The following ELAPOR2 variants were observed in gnomAD, a reference collection of about 807,000 sequenced individuals.
ELAPOR2 encodes endosome-lysosome associated apoptosis and autophagy regulator family member 2.
In ELAPOR2, 89 loss-of-function variants were observed where a neutral mutation model predicts 120.7. That is an observed-to-expected ratio of 0.74 (90% CI 0.62 to 0.88). The LOEUF is 0.88. Among genes scored for constraint, ELAPOR2 ranks in the 40% least tolerant of loss-of-function variants. The pLI is 0.00. For missense variants in ELAPOR2, 1,134 were observed against 1,251.6 expected, an observed-to-expected ratio of 0.91 and a Z score of 1.42; for synonymous variants, 444 against 444.9, an observed-to-expected ratio of 1.00 and a Z score of 0.03.
In ELAPOR2 at chr7:86,907,753, T is replaced by C; in HGVS notation, c.2475A>G (p.Thr825=). 6.4e-7 allele frequency: 1 copy of C among 1,567,796 alleles called. No individual in the cohort carries two copies. The highest frequency in any genetic ancestry group is 8.6e-7 in the Non-Finnish European group (1 of 1,164,430). The change falls in exon 18 of 22, where the codon ACA becomes ACG. Residue 825 remains threonine (T), a synonymous_variant. Coordinates refer to ENST00000450689, the MANE Select transcript of ELAPOR2 (RefSeq NM_001142749.3). ...HFFYKSSTAT[T]SCINGRSTAV... ...CAGTTGATCGGCCATTAATACAAGATGTTGTTGCTGTAGAAGACCTATTGT... is the reference window on the plus strand; with the variant it reads ...CAGTTGATCGGCCATTAATACAAGACGTTGTTGCTGTAGAAGACCTATTGT...
intron 1 of ELAPOR2, among the ~76,000 whole-genome samples, chr7:87,014,344 G>A (rs961099725): frequency 6.6e-6 from 1 of 151,896 alleles, no homozygotes; most frequent in Non-Finnish European, 1.5e-5. Context: ...CAGTCTTCAT[G>A]GCAACTTCAC....
At position 86,942,811 on chromosome 7, in the gene ELAPOR2, A is replaced by G. The variant is rs141432796; in HGVS notation, c.655-707T>C. Among the ~76,000 whole-genome samples the G allele has an allele frequency of 3.4e-3, 516 of 152,124 alleles. 1 individual carries two copies. Among genetic ancestry groups the G allele is most frequent in the Middle Eastern group, 0.01 (3 of 292 alleles). ...ATCAAAAAGTTAGGCCACCTTTCCAATATTGCAAAACAGCAACAGAGTAGA... is the reference window on the plus strand; with the variant it reads ...ATCAAAAAGTTAGGCCACCTTTCCAGTATTGCAAAACAGCAACAGAGTAGA... On this transcript the variant is annotated intron_variant, in intron 4 of 21. Coordinates refer to ENST00000450689, the MANE Select transcript of ELAPOR2 (RefSeq NM_001142749.3).
intron 1 of ELAPOR2, among the ~76,000 whole-genome samples, chr7:87,032,863 G>T (rs1794466050): frequency 6.6e-6 from 1 of 152,184 alleles, no homozygotes; most frequent in Admixed American, 6.5e-5. Flanking sequence ...TACACACCTT[G>T]TGTGTGAGTA....
intron 1 of ELAPOR2, among the ~76,000 whole-genome samples, chr7:86,982,179 C>T (rs1291518056): frequency 1.3e-5 from 2 of 152,240 alleles, no homozygotes; most frequent in Non-Finnish European, 2.9e-5. Context: ...GGGCGGAGCC[C>T]AACGCAGCTC....
chr7:87,010,331 C>A (rs928968345), intron 1 of ELAPOR2, among the ~76,000 whole-genome samples: 1 of 152,120 alleles, frequency 6.6e-6, no homozygotes, highest in African/African-American at 2.4e-5. Flanking sequence ...AAATCTCCAA[C>A]GTAGGAAGTG....
At chr7:86,959,261 T>C (rs377343584) in intron 2 of ELAPOR2, among the ~76,000 whole-genome samples, 1 of 152,218 alleles carries the variant, frequency 6.6e-6, no homozygotes, top group East Asian at 1.9e-4. Context: ...TCATGTCATC[T>C]GCAAACGGAA....
intron 1 of ELAPOR2, among the ~76,000 whole-genome samples, chr7:86,984,283 A>G (rs1263972499): frequency 6.6e-6 from 1 of 152,244 alleles, no homozygotes; most frequent in Non-Finnish European, 1.5e-5. Flanking sequence ...TCAATGAGAC[A>G]GAAGGTTAAC....
At chr7:87,002,055 T>G (rs983715477) in intron 1 of ELAPOR2, among the ~76,000 whole-genome samples, 1 of 152,148 alleles carries the variant, frequency 6.6e-6, no homozygotes, top group African/African-American at 2.4e-5. Context: ...CACAGTACTT[T>G]ACATTTTTCA....
chr7:86,881,808 T>A (rs1353444683), intron 21 of ELAPOR2, among the ~76,000 whole-genome samples: 2 of 152,184 alleles, frequency 1.3e-5, no homozygotes, highest in Non-Finnish European at 2.9e-5. Context: ...AAGAGAACTA[T>A]GACTATTTTT....
intron 1 of ELAPOR2, among the ~76,000 whole-genome samples, chr7:87,001,559 G>A (rs1364584362): frequency 3.9e-5 from 6 of 152,154 alleles, no homozygotes; most frequent in African/African-American, 1.4e-4. Context: ...CCAGGGTGAG[G>A]TGGAGCAAAG....
rs1199960438 is a variant in ELAPOR2, at chr7:86,909,887, T to C, written c.2284A>G (p.Ile762Val). Residue 762 changes from isoleucine (I) to valine (V), a missense_variant, in exon 16 of 22, where the codon ATT (isoleucine) becomes GTT (valine). Around this residue, in one of 3 missense-constraint regions of ELAPOR2, gnomAD observed 831 missense variants for 867.6 expected, o/e 0.96. Coordinates refer to ENST00000450689, the MANE Select transcript of ELAPOR2 (RefSeq NM_001142749.3). The part of the protein sequence containing the change: ...LVGAFVCQST[I>V]IPSESKGFRA... ...AAACCCTTACTTTCAGAAGGAATAA[T>C]TGTTGACTGGCATACAAATGCCCCT... The C allele has an allele frequency of 1.9e-6, 3 of 1,613,534 alleles. No homozygotes were observed. The highest frequency in any genetic ancestry group is 2.5e-6 in the Non-Finnish European group (3 of 1,179,620).
chr7:87,041,326 T>A (rs1256543854), intron 1 of ELAPOR2, among the ~76,000 whole-genome samples: 4 of 151,512 alleles, frequency 2.6e-5, no homozygotes, highest in East Asian at 1.9e-4. Context: ...TTCACCAAAG[T>A]TGAAATGAAG....
chr7:86,892,838 T>C (rs1584312754), intron 20 of ELAPOR2, 84 bp downstream of exon 20: 1 of 1,222,770 alleles, frequency 8.2e-7, no homozygotes, highest in East Asian at 2.9e-5. Flanking sequence ...AGAATCTATT[T>C]ATTGGATATA....
At chr7:86,956,598 C>G (rs1791480767) in intron 2 of ELAPOR2, among the ~76,000 whole-genome samples, 1 of 152,178 alleles carries the variant, frequency 6.6e-6, no homozygotes, top group African/African-American at 2.4e-5. Flanking sequence ...AGATAGTAAT[C>G]CCCGTTAAAT....
chr7:86,880,708 T>C (rs898476824), intron 21 of ELAPOR2, among the ~76,000 whole-genome samples, 178 bp from the exon 22 acceptor site: 3 of 150,800 alleles, frequency 2.0e-5, no homozygotes, highest in African/African-American at 7.3e-5. Flanking sequence ...ATGCCTACCC[T>C]GAAGGGCACT....
At chr7:86,998,621 A>G (rs1583972032) in intron 1 of ELAPOR2, among the ~76,000 whole-genome samples, 1 of 152,208 alleles carries the variant, frequency 6.6e-6, no homozygotes. Context: ...CAATAGCTGC[A>G]TAAATTTCAC....
At position 86,979,591 on chromosome 7, in the gene ELAPOR2, G is replaced by A. The variant is rs749911155; in HGVS notation, c.190-14567C>T. Among the ~76,000 whole-genome samples the A allele has an allele frequency of 6.6e-5, 10 of 152,208 alleles. 1 individual carries two copies. The highest frequency in any genetic ancestry group is 1.5e-4 in the Non-Finnish European group (10 of 68,042). On this transcript the variant is annotated intron_variant, in intron 1 of 21. Transcript: ENST00000450689. ...CAGATGCCTAAACCCAACTAAGCTA[G>A]AGCATGAGCTCACAAAAGACTTGAC...
chr7:86,922,720 G>T (rs1320316342), intron 10 of ELAPOR2, among the ~76,000 whole-genome samples: 1 of 151,718 alleles, frequency 6.6e-6, no homozygotes. Flanking sequence ...ATCTACTGTT[G>T]ATTACACATC....
intron 21 of ELAPOR2, among the ~76,000 whole-genome samples, chr7:86,884,875 A>G (rs556031844): frequency 1.3e-5 from 2 of 152,272 alleles, no homozygotes; most frequent in South Asian, 4.1e-4. Context: ...CTATCATGCA[A>G]ATTTTAGATA....
Sources: gnomAD v4.1 joint callset for allele counts (sites outside exome capture counted in the v4.1 genomes callset) on GRCh38, gnomAD v4.1.1 for gene constraint, gnomAD v4.1.1 regional missense constraint, MANE v1.5 for transcripts, NCBI Gene and HGNC (gene_info 2026-07-23, HGNC 2026-07-21) for gene names.